EFCAB11: variants seen among roughly 807,000 people sequenced by gnomAD.
EFCAB11 encodes the protein EF-hand calcium-binding domain-containing protein 11.
EFCAB11 carries 14 observed loss-of-function variants against 23.0 expected under a neutral mutation model. The observed-to-expected ratio is 0.61, with a 90% CI of 0.40 to 0.95. EFCAB11 has a LOEUF of 0.95. Among genes scored for constraint, EFCAB11 ranks in the 40% least tolerant of loss-of-function variants. The probability of loss-of-function intolerance (pLI) is 0.00; values close to 1 mark genes in which losing one functional copy is unlikely to be tolerated. For synonymous variants in EFCAB11, 65 were observed against 66.6 expected, an observed-to-expected ratio of 0.98 and a Z score of 0.11; for missense variants, 198 against 195.8, an observed-to-expected ratio of 1.01 and a Z score of -0.07.
intron 3 of EFCAB11, among the ~76,000 whole-genome samples, chr14:89,933,787 T>C (rs1890481119): frequency 4.6e-5 from 7 of 152,282 alleles, no homozygotes. Flanking sequence ...AACTGTGGCA[T>C]GGGCAATGAG....
At chr14:89,919,055 A>G (rs1218181888) in intron 5 of EFCAB11, among the ~76,000 whole-genome samples, 1 of 151,872 alleles carries the variant, frequency 6.6e-6, no homozygotes, top group African/African-American at 2.4e-5. Flanking sequence ...TTGGTCACAT[A>G]GAGATCAGTT....
At chr14:89,896,494 C>G (rs1889165855) in intron 5 of EFCAB11, among the ~76,000 whole-genome samples, 1 of 152,102 alleles carries the variant, frequency 6.6e-6, no homozygotes, top group Non-Finnish European at 1.5e-5. Context: ...TATCATTTGG[C>G]ATTATGATAT....
intron 3 of EFCAB11, among the ~76,000 whole-genome samples, chr14:89,948,881 CA>C (rs371225329): frequency 0.086 from 9,661 of 112,794 alleles, 896 homozygotes; most frequent in African/African-American, 0.27. Flanking sequence ...TTAATGGATA[CA>C]AAAAAAAAAA....
At chr14:89,855,292 G>C (rs1006245801) in intron 5 of EFCAB11, among the ~76,000 whole-genome samples, 1 of 151,652 alleles carries the variant, frequency 6.6e-6, no homozygotes, top group Admixed American at 6.6e-5. Context: ...CCTGGGCAAC[G>C]TGGCGAAACC....
intron 5 of EFCAB11, among the ~76,000 whole-genome samples, chr14:89,873,828 G>T (rs1445093890): frequency 6.6e-6 from 1 of 152,204 alleles, no homozygotes; most frequent in African/African-American, 2.4e-5. Flanking sequence ...GCTTTGCAGG[G>T]TACAGCTCCC....
rs1885564073 is a variant in EFCAB11 at position 89,795,964 on chromosome 14, A to T, written c.*1279T>A. On this transcript the variant is annotated 3_prime_UTR_variant, in exon 6 of 6. Transcript: ENST00000316738. ...TTACTGGAGCCCAGCAGGACAGGCA[A>T]GGCATGGGGAACGTGAACACACATG... 6.6e-6 allele frequency: 1 copy of T among 152,176 alleles called. No homozygotes were observed. The highest frequency in any genetic ancestry group is 1.5e-5 in the Non-Finnish European group (1 of 68,036). The allele number at this position is 152,176 out of a possible 1,614,324, so 9.4% of individuals were successfully genotyped here.
chr14:89,805,943 CGGATGCTAGCTCAAGATTCT>C (rs1885954650), intron 5 of EFCAB11, among the ~76,000 whole-genome samples: 1 of 152,182 alleles, frequency 6.6e-6, no homozygotes, highest in Non-Finnish European at 1.5e-5. Flanking sequence ...GATTTCTCCT[CGGATGCTAGCTCAAGATTCT>C]GGATTATTCT....
intron 5 of EFCAB11, among the ~76,000 whole-genome samples, chr14:89,881,511 A>C (rs1240489183): frequency 2.7e-5 from 2 of 75,036 alleles, no homozygotes; most frequent in African/African-American, 1.0e-4. Flanking sequence ...GCAGTGGTAT[A>C]ATCTCGGCTC....
At chr14:89,892,022 T>A (rs1888986578) in intron 5 of EFCAB11, 2 of 1,534,146 alleles carry the variant, frequency 1.3e-6, no homozygotes, top group Non-Finnish European at 8.8e-7. Flanking sequence ...GCGCTTCAGC[T>A]GCATCACCGG....
Position 89,950,748 on chromosome 14 carries a change from G to A in EFCAB11, c.172-606C>T, listed in dbSNP as rs114603243. 3.0e-3 allele frequency among the ~76,000 whole-genome samples: 449 copies of A among 152,140 alleles called. 2 individuals are homozygous for A. Among genetic ancestry groups the A allele is most frequent in the African/African-American group, 0.01 (418 of 41,506 alleles). Reference sequence around the variant, plus strand: ...AGCCCTTTACCACACTGTTACAAGGGCTTTATAAACGTTATAGTATTAGAG... The same window carrying A: ...AGCCCTTTACCACACTGTTACAAGGACTTTATAAACGTTATAGTATTAGAG... On this transcript the variant is annotated intron_variant, in intron 2 of 5. Transcript: ENST00000316738.
At chr14:89,821,281 GC>G (rs1462807557) in intron 5 of EFCAB11, among the ~76,000 whole-genome samples, 1 of 152,102 alleles carries the variant, frequency 6.6e-6, no homozygotes, top group African/African-American at 2.4e-5. Context: ...CAAAGAAGAG[GC>G]AATTCTGCCT....
At chr14:89,816,369 A>G (rs1886338307) in intron 5 of EFCAB11, among the ~76,000 whole-genome samples, 1 of 152,184 alleles carries the variant, frequency 6.6e-6, no homozygotes, top group Non-Finnish European at 1.5e-5. Flanking sequence ...CAAAGTACCA[A>G]CATTTCCTTA....
chr14:89,911,586 T>TA (rs1197417371), intron 5 of EFCAB11, among the ~76,000 whole-genome samples: 1 of 152,194 alleles, frequency 6.6e-6, no homozygotes, highest in Non-Finnish European at 1.5e-5. Context: ...AATTTGCAGA[T>TA]AAAAAGACCC....
At chr14:89,910,366 G>A (rs1340621710) in intron 5 of EFCAB11, among the ~76,000 whole-genome samples, 1 of 152,156 alleles carries the variant, frequency 6.6e-6, no homozygotes, top group Non-Finnish European at 1.5e-5. Context: ...GGGAGGCTGA[G>A]GCAGGCGGAT....
chr14:89,804,324 C>T (rs954277674), intron 5 of EFCAB11, among the ~76,000 whole-genome samples: 4 of 152,242 alleles, frequency 2.6e-5, no homozygotes, highest in Non-Finnish European at 5.9e-5. Flanking sequence ...GTAATTAACG[C>T]TTAAAAGCCT....
chr14:89,954,771 AC>A, upstream of EFCAB11: 2 of 1,465,558 alleles, frequency 1.4e-6, no homozygotes, highest in East Asian at 2.5e-5. Context: ...GCCGAACTTC[AC>A]CGCGCAACTC....
intron 5 of EFCAB11, among the ~76,000 whole-genome samples, chr14:89,882,101 A>G (rs749546129): frequency 2.0e-5 from 3 of 152,182 alleles, no homozygotes; most frequent in Non-Finnish European, 4.4e-5. Flanking sequence ...CTACTTTACA[A>G]AAGAAAGGCA....
At chr14:89,841,921 G>A (rs950039925) in intron 5 of EFCAB11, among the ~76,000 whole-genome samples, 9 of 151,962 alleles carry the variant, frequency 5.9e-5, no homozygotes, top group Non-Finnish European at 1.0e-4. Flanking sequence ...TCAGAACAAC[G>A]CATCGGAGTG....
chr14:89,797,301 C>T lies in EFCAB11; in HGVS notation c.434G>A (p.Gly145Asp). ...VFREVDRDSD[G>D]HVSFRDFEYA... is the part of the protein sequence containing the mutation. ...TTCAAAGTCTCTAAAGCTGACGTGA[C>T]CATCTGAATCTCGATCTACTTCCCT... The change falls in exon 6 of 6, where the codon GGT (glycine) becomes GAT (aspartate). Residue 145 changes from glycine to aspartate, a missense_variant. Transcript: ENST00000316738. 1 of 1,613,194 alleles carries T rather than the reference C, an allele frequency of 6.2e-7. No individual in the cohort carries two copies. The highest frequency in any genetic ancestry group is 1.3e-5 in the African/African-American group (1 of 74,990).
Sources: gnomAD v4.1 joint callset for allele counts (sites outside exome capture counted in the v4.1 genomes callset) on GRCh38, gnomAD v4.1.1 for gene constraint, MANE v1.5 for transcripts, NCBI Gene and HGNC (gene_info 2026-07-23, HGNC 2026-07-21) for gene names.